The following LRP1B variants were observed in gnomAD, a reference collection of about 807,000 sequenced individuals.
LRP1B encodes the protein LDL receptor related protein 1B, also known as low-density lipoprotein receptor-related protein 1B.
In LRP1B, 217 loss-of-function variants were observed where a neutral mutation model predicts 556.6. The ratio of observed to expected loss-of-function variants is 0.39; its 90% CI spans 0.35 to 0.44. The LOEUF is 0.44. Ranked by LOEUF, LRP1B falls within the 20% of genes least tolerant of loss-of-function variation. The probability of loss-of-function intolerance (pLI) is 1.00; values close to 1 mark genes in which losing one functional copy is unlikely to be tolerated. For missense variants in LRP1B, 5,053 were observed against 5,620.8 expected (o/e 0.90, Z 3.23); for synonymous variants, 2,047 against 1,865.8 (o/e 1.10, Z -2.50).
At chr2:140,364,470 C>G (rs957533228) in intron 72 of LRP1B, among the ~76,000 whole-genome samples, 191 bp downstream of exon 72, 2 of 151,582 alleles carry the variant, frequency 1.3e-5, no homozygotes, top group African/African-American at 4.8e-5. Flanking sequence ...GGATGAGTCT[C>G]TATAAAGTCA....
At chr2:141,311,188 A>G (rs2105449115) in intron 3 of LRP1B, among the ~76,000 whole-genome samples, 1 of 152,334 alleles carries the variant, frequency 6.6e-6, no homozygotes, top group South Asian at 2.1e-4. Flanking sequence ...TGTCTCTAAT[A>G]GAGAACTCTA....
At chr2:141,926,955 A>G (rs1700350285) in intron 1 of LRP1B, among the ~76,000 whole-genome samples, 1 of 152,110 alleles carries the variant, frequency 6.6e-6, no homozygotes, top group African/African-American at 2.4e-5. Context: ...ATAATGGTCA[A>G]ATTTTTAAAA....
chr2:141,720,772 T>A (rs970409239), intron 2 of LRP1B, among the ~76,000 whole-genome samples: 1 of 152,108 alleles, frequency 6.6e-6, no homozygotes, highest in Non-Finnish European at 1.5e-5. Context: ...ATGAGTCAAC[T>A]TTTATCACGA....
At chr2:140,416,651 T>C (rs528810661) in intron 66 of LRP1B, among the ~76,000 whole-genome samples, 2 of 147,174 alleles carry the variant, frequency 1.4e-5, no homozygotes, top group East Asian at 3.9e-4. Flanking sequence ...CCAAACTCTG[T>C]CTAAAAAAAA....
chr2:141,613,029 T>C (rs922148312), intron 2 of LRP1B, among the ~76,000 whole-genome samples: 30 of 151,936 alleles, frequency 2.0e-4, no homozygotes, highest in African/African-American at 7.0e-4. Context: ...CAGGATGGTC[T>C]CGATCTCCTG....
intron 41 of LRP1B, among the ~76,000 whole-genome samples, chr2:140,684,409 A>G (rs1352792110): frequency 6.6e-6 from 1 of 152,172 alleles, no homozygotes; most frequent in African/African-American, 2.4e-5. Context: ...ACCAAGAGGC[A>G]TTTTCACAGA....
chr2:141,190,833 T>C (rs1015012761), intron 6 of LRP1B, among the ~76,000 whole-genome samples: 3 of 152,002 alleles, frequency 2.0e-5, no homozygotes, highest in Non-Finnish European at 4.4e-5. Context: ...TATGGCACTT[T>C]GGCATATTGA....
intron 10 of LRP1B, among the ~76,000 whole-genome samples, chr2:141,050,249 A>G (rs1698996613): frequency 6.6e-6 from 1 of 151,970 alleles, no homozygotes; most frequent in South Asian, 2.1e-4. Flanking sequence ...AATACAAAGT[A>G]TATTAACATT....
intron 1 of LRP1B, among the ~76,000 whole-genome samples, chr2:142,097,888 T>G (rs1052237897): frequency 6.6e-6 from 1 of 151,662 alleles, no homozygotes; most frequent in Non-Finnish European, 1.5e-5. Flanking sequence ...GATTGAGTTT[T>G]TATAGGTCTT....
intron 85 of LRP1B, among the ~76,000 whole-genome samples, chr2:140,272,893 C>T (rs1027557526): frequency 6.6e-6 from 1 of 151,900 alleles, no homozygotes; most frequent in Non-Finnish European, 1.5e-5. Context: ...TTTATATATA[C>T]ATTTCCAAAA....
At chr2:140,882,553 A>T (rs1693507087) in intron 25 of LRP1B, among the ~76,000 whole-genome samples, 1 of 152,290 alleles carries the variant, frequency 6.6e-6, no homozygotes, top group East Asian at 1.9e-4. Context: ...CAACTAATTC[A>T]AGTAAATTTA....
intron 1 of LRP1B, among the ~76,000 whole-genome samples, chr2:141,949,024 G>A (rs1701034334): frequency 1.3e-5 from 2 of 152,060 alleles, no homozygotes; most frequent in African/African-American, 4.8e-5. Context: ...GTATTTTCCA[G>A]GAAAATTATA....
intron 7 of LRP1B, among the ~76,000 whole-genome samples, chr2:141,160,369 A>T (rs1679962452): frequency 6.6e-6 from 1 of 152,264 alleles, no homozygotes; most frequent in African/African-American, 2.4e-5. Context: ...GTTAAACATG[A>T]ATTTACCATA....
At chr2:140,564,900 G>T (rs1681069094) in intron 43 of LRP1B, among the ~76,000 whole-genome samples, 3 of 151,940 alleles carry the variant, frequency 2.0e-5, no homozygotes, top group South Asian at 4.1e-4. Context: ...AGCCACTCTT[G>T]TTGTTTCAGA....
At chr2:141,042,873 C>CAA (rs1335785086) in intron 11 of LRP1B, among the ~76,000 whole-genome samples, 1 of 151,678 alleles carries the variant, frequency 6.6e-6, no homozygotes, top group East Asian at 1.9e-4. Context: ...TAATAGAGGT[C>CAA]AAATTTTGTA....
chr2:142,035,913 T>C (rs552481606), intron 1 of LRP1B, among the ~76,000 whole-genome samples: 1 of 151,840 alleles, frequency 6.6e-6, no homozygotes, highest in South Asian at 2.1e-4. Flanking sequence ...CTCGTGATAG[T>C]GAATAAGTCT....
chr2:142,106,770 C>G (rs951806724), intron 1 of LRP1B, among the ~76,000 whole-genome samples: 8 of 151,908 alleles, frequency 5.3e-5, no homozygotes, highest in African/African-American at 1.9e-4. Context: ...GATAACAATA[C>G]AAAATTTTTA....
At chr2:141,304,775 A>T (rs551270918) in intron 3 of LRP1B, among the ~76,000 whole-genome samples, 284 of 152,216 alleles carry the variant, frequency 1.9e-3, no homozygotes, top group Non-Finnish European at 3.1e-3. Flanking sequence ...TTCTGGGATG[A>T]CAGGCATGAG....
intron 18 of LRP1B, among the ~76,000 whole-genome samples, chr2:140,970,750 T>G (rs1178023123): frequency 1.5e-5 from 1 of 64,564 alleles, no homozygotes; most frequent in East Asian, 4.5e-4. Flanking sequence ...TTTTTTTTTT[T>G]TTTTTTTTGA....
Sources: gnomAD v4.1 joint callset for allele counts (sites outside exome capture counted in the v4.1 genomes callset) on GRCh38, gnomAD v4.1.1 for gene constraint, MANE v1.5 for transcripts, NCBI Gene and HGNC (gene_info 2026-07-23, HGNC 2026-07-21) for gene names.